COL6A3: variants seen among roughly 807,000 people sequenced by gnomAD.
The protein encoded by COL6A3 is collagen type VI alpha 3 chain.
Under a neutral mutation model 274.1 loss-of-function variants are expected in COL6A3, and 137 were observed. That is an observed-to-expected ratio of 0.50 (90% confidence interval 0.44 to 0.58). The LOEUF (loss-of-function observed/expected upper bound fraction) is 0.58, where lower values mean the gene tolerates loss of function less well. COL6A3 is among the 20% of genes least tolerant of loss of function. COL6A3 has a pLI of 0.00. For missense variants in COL6A3, 3,950 were observed against 4,124.9 expected (o/e 0.96, Z 1.16); for synonymous variants, 1,650 against 1,650.6 (o/e 1.00, Z 0.01).
chr2:237,348,802 C>G, intron 28 of COL6A3, 139 bp from the exon 29 acceptor site: 3 of 751,402 alleles, frequency 4.0e-6, no homozygotes, highest in Non-Finnish European at 7.1e-6. Flanking sequence ...GGAGTAGGCA[C>G]ACTTCCTGCT....
chr2:237,342,627 T>A (rs903055071), intron 36 of COL6A3: 1 of 164,314 alleles, frequency 6.1e-6, no homozygotes. Flanking sequence ...GTCCTGTCTA[T>A]CGCCGTACCT....
rs1273141104 is a variant in COL6A3 at position 237,380,983 on chromosome 2, G to A, written c.1829C>T (p.Ala610Val). 5.0e-6 allele frequency: 8 copies of A among 1,614,084 alleles called. No individual in the cohort carries two copies. The highest frequency in any genetic ancestry group is 6.8e-6 in the Non-Finnish European group (8 of 1,180,040). The change falls in exon 5 of 44, where the codon GCC becomes GTC. Residue 610 changes from alanine to valine, a missense_variant. Transcript: ENST00000295550. ...AGGCAGCATGCCTTGCAATGGGGCG[G>A]CTCGGAACTCAGCTGGGATGAACAC... ...SLVFIPAEFR[A>V]APLQGMLPGL...
At chr2:237,395,474 A>G (rs573553339) in intron 2 of COL6A3, among the ~76,000 whole-genome samples, 12 of 152,320 alleles carry the variant, frequency 7.9e-5, no homozygotes, top group African/African-American at 2.9e-4. Flanking sequence ...GATTGGGGAA[A>G]CAATTTCCTG....
At chr2:237,396,165 G>A (rs2078436183) in intron 2 of COL6A3, among the ~76,000 whole-genome samples, 2 of 152,180 alleles carry the variant, frequency 1.3e-5, no homozygotes, top group African/African-American at 4.8e-5. Flanking sequence ...AATGCATGAA[G>A]CATTTCCCAC....
Position 237,365,955 on chromosome 2 carries a change from T to C in COL6A3, c.5581A>G (p.Lys1861Glu). The C allele has an allele frequency of 6.2e-7, 1 of 1,614,106 alleles. No homozygotes were observed. The highest frequency in any genetic ancestry group is 1.6e-4 in the Middle Eastern group (1 of 6,062). ...VFVAQKGFES[K>E]VDAILNRISQ... ...ATTCTGTTCAAGATGGCGTCCACCT[T>C]GGACTCGAAGCCCTTCTGGGCCACA... Residue 1861 changes from lysine (K) to glutamate (E), a missense_variant, in exon 12 of 44, where the codon AAG becomes GAG. Around this residue, in one of 5 missense-constraint regions of COL6A3, gnomAD observed 632 missense variants for 623.4 expected, o/e 1.01. Transcript: ENST00000295550.
At chr2:237,340,188 G>A (rs1254867587) in intron 38 of COL6A3, among the ~76,000 whole-genome samples, 1 of 152,204 alleles carries the variant, frequency 6.6e-6, no homozygotes, top group Non-Finnish European at 1.5e-5. Flanking sequence ...AGGACACCAA[G>A]AGTGCCTTAT....
chr2:237,374,296 A>T lies in COL6A3; in HGVS notation c.3679+116T>A. 6.9e-7 allele frequency: 1 copy of T among 1,454,796 alleles called. No homozygotes were observed. The highest frequency in any genetic ancestry group is 9.5e-7 in the Non-Finnish European group (1 of 1,052,940). 90.1% of individuals were successfully genotyped at this position (1,454,796 alleles called of 1,614,324 possible). ...GGTTCCTAAATTTTCCTGTAATTTT[A>T]GTTTTCACTTCACATGGCAGGAAAA... is the stretch of plus-strand genomic sequence containing the variant. On this transcript the variant is annotated intron_variant, in intron 8 of 43. Transcript: ENST00000295550. This position sits in a 1 kb window ranked among gnomAD's most constrained non-coding sequence, Gnocchi z 4.8.
chr2:237,387,697 C>T lies in COL6A3; in HGVS notation c.1197G>A (p.Val399=), dbSNP rs1412929422. The change falls in exon 4 of 44, where the codon GTG becomes GTA. Residue 399 remains valine, a synonymous_variant. Coordinates refer to ENST00000295550, the MANE Select transcript of COL6A3 (RefSeq NM_004369.4). Reference sequence around the variant, plus strand: ...AGCTACGGAATTCCGGGACAGTAAACACCAAGTTGTCATCGGTAGCTATGT... The same window carrying T: ...AGCTACGGAATTCCGGGACAGTAAATACCAAGTTGTCATCGGTAGCTATGT... ...LQHIATDDNL[V]FTVPEFRSFG... 1 of 1,614,034 alleles carries T rather than the reference C, an allele frequency of 6.2e-7. No individual in the cohort carries two copies.
intron 10 of COL6A3, among the ~76,000 whole-genome samples, chr2:237,367,913 G>A (rs1213326369): frequency 6.6e-6 from 1 of 152,218 alleles, no homozygotes; most frequent in Non-Finnish European, 1.5e-5. Flanking sequence ...TGTGAGGGAT[G>A]TGAGATGTGC....
chr2:237,324,598 C>T lies in COL6A3; in HGVS notation c.*176G>A. ...GACAGAGAGCGAGGGTCCACAGACA[C>T]ATTAGCACCATACTGATAGGTCATG... On this transcript the variant is annotated 3_prime_UTR_variant, in exon 44 of 44. Coordinates refer to ENST00000295550, the MANE Select transcript of COL6A3 (RefSeq NM_004369.4). 2.6e-5 allele frequency: 17 copies of T among 663,352 alleles called. 2 individuals are homozygous for T. The South Asian group carries it at 2.9e-4, about 11-fold the overall frequency. 41.1% of individuals were successfully genotyped at this position (663,352 alleles called of 1,614,324 possible).
At chr2:237,378,278 G>T (rs1405831912) in intron 6 of COL6A3, among the ~76,000 whole-genome samples, 1 of 152,070 alleles carries the variant, frequency 6.6e-6, no homozygotes, top group Non-Finnish European at 1.5e-5. Context: ...TAATCCCAAG[G>T]CATATTCATG....
At chr2:237,381,950 G>A (rs2078017684) in intron 4 of COL6A3, among the ~76,000 whole-genome samples, 1 of 152,198 alleles carries the variant, frequency 6.6e-6, no homozygotes, top group South Asian at 2.1e-4. Flanking sequence ...AAAGCTGAAA[G>A]AGCCTGCACA....
chr2:237,354,910 G>A lies in COL6A3; in HGVS notation c.6616C>T (p.Pro2206Ser), dbSNP rs2077284154. The A allele has an allele frequency of 1.9e-6, 3 of 1,613,800 alleles. No homozygotes were observed. Among genetic ancestry groups the A allele is most frequent in the African/African-American group, 1.3e-5 (1 of 75,030 alleles). ...TGCATGAGGCTCACCTTAGCTCCGG[G>A]GGGTCCCCTTCGGCCAAAGCCACCC... is the stretch of plus-strand genomic sequence containing the variant. ...KNGGFGRRGPPGAKGNKGGPG... is the reference protein window; with the variant it reads ...KNGGFGRRGPSGAKGNKGGPG... Residue 2206 changes from proline (P) to serine (S), a missense_variant, in exon 24 of 44, where the codon CCC becomes TCC. Coordinates refer to ENST00000295550, the MANE Select transcript of COL6A3 (RefSeq NM_004369.4).
rs151079701 is a variant in COL6A3 at position 237,344,373 on chromosome 2, G to A, written c.7645C>T (p.Arg2549Trp). Reference sequence around the variant, plus strand: ...ACCTGCAAAGCGTTGATGAGCTGCCGGTCTTCCTGCCTTGTAAGGAACAAG... The same window carrying A: ...ACCTGCAAAGCGTTGATGAGCTGCCAGTCTTCCTGCCTTGTAAGGAACAAG... ...TPLFLTRQED[R>W]QLINALQINN... The change falls in exon 36 of 44, where the codon CGG (arginine) becomes TGG (tryptophan). Residue 2549 changes from arginine (R) to tryptophan (W), a missense_variant. This residue lies in a region of COL6A3 where 1,284 missense variants were observed against 1,349.7 expected (regional missense o/e 0.95). Transcript: ENST00000295550. The surrounding 1 kb of genome is among the most constrained non-coding windows in gnomAD (Gnocchi z 4.8). The A allele has an allele frequency of 9.9e-4, 1,591 of 1,614,164 alleles. 20 individuals carry two copies. In the Admixed American group the frequency reaches 0.024, roughly 24 times the overall value.
In COL6A3 at chr2:237,388,033, G is replaced by T; in HGVS notation, c.861C>A (p.Ser287Arg). The T allele has an allele frequency of 1.2e-6, 2 of 1,614,182 alleles. No homozygotes were observed. The highest frequency in any genetic ancestry group is 2.7e-5 in the African/African-American group (2 of 75,048). Residue 287 changes from serine to arginine, a missense_variant, in exon 4 of 44, where the codon AGC (serine) becomes AGA (arginine). Ser to Arg is a moderately radical substitution (Grantham distance 110). Coordinates refer to ENST00000295550, the MANE Select transcript of COL6A3 (RefSeq NM_004369.4). ...QQIRVGVVQFSDEPRTMFSLD... is the reference protein window; with the variant it reads ...QQIRVGVVQFRDEPRTMFSLD... ...AGGAGAACATGGTTCTGGGCTCATC[G>T]CTAAACTGGACCACCCCCACTCGGA... is the stretch of plus-strand genomic sequence containing the variant.
intron 4 of COL6A3, among the ~76,000 whole-genome samples, chr2:237,385,013 T>C (rs1373922733): frequency 1.3e-5 from 2 of 152,020 alleles, no homozygotes; most frequent in Non-Finnish European, 2.9e-5. Flanking sequence ...CCTGGACCAC[T>C]CTTCCCCCTG....
chr2:237,403,534 G>A (rs1449848205), intron 1 of COL6A3, among the ~76,000 whole-genome samples: 1 of 152,168 alleles, frequency 6.6e-6, no homozygotes, highest in African/African-American at 2.4e-5. Context: ...ATGCTCAGGA[G>A]GCCAGTTATC....
At chr2:237,352,248 G>A (rs1343653403) in intron 26 of COL6A3, among the ~76,000 whole-genome samples, 5 of 152,174 alleles carry the variant, frequency 3.3e-5, no homozygotes, top group African/African-American at 9.7e-5. Context: ...TCCATCCTGA[G>A]GCATATCCCC....
At chr2:237,387,128 C>G (rs1405366591) in intron 4 of COL6A3, among the ~76,000 whole-genome samples, 1 of 152,078 alleles carries the variant, frequency 6.6e-6, no homozygotes, top group Non-Finnish European at 1.5e-5. Flanking sequence ...GAGGAGACAC[C>G]CTCACTCCAT....
Sources: allele counts gnomAD v4.1 joint callset (sites outside exome capture counted in the v4.1 genomes callset), GRCh38; gene constraint gnomAD v4.1.1; regional missense constraint gnomAD v4.1.1; non-coding constraint Gnocchi (gnomAD v3.1); transcripts MANE v1.5; gene names NCBI Gene and HGNC (gene_info 2026-07-23, HGNC 2026-07-21).